The following PCDHA4 variants were observed in gnomAD, a reference collection of about 807,000 sequenced individuals.
PCDHA4 encodes protocadherin alpha 4.
PCDHA4 carries 49 observed loss-of-function variants against 61.4 expected under a neutral mutation model. The ratio of observed to expected loss-of-function variants is 0.80; its 90% CI spans 0.63 to 1.01. The LOEUF (loss-of-function observed/expected upper bound fraction) is 1.01, where lower values mean the gene tolerates loss of function less well. Ranked by LOEUF, PCDHA4 falls within the 50% of genes least tolerant of loss-of-function variation. PCDHA4 has a pLI of 0.00. For missense variants in PCDHA4, 1,254 were observed against 1,235.8 expected, an observed-to-expected ratio of 1.01 and a Z score of -0.22; for synonymous variants, 590 against 550.3, an observed-to-expected ratio of 1.07 and a Z score of -1.01.
At chr5:140,970,384 C>T (rs2096401322) in intron 1 of PCDHA4, among the ~76,000 whole-genome samples, 1 of 152,104 alleles carries the variant, frequency 6.6e-6, no homozygotes, top group Admixed American at 6.5e-5. Flanking sequence ...AAAAGGCTGG[C>T]TTGGAAAGTG....
chr5:141,004,880 G>A (rs940142127), intron 3 of PCDHA4, among the ~76,000 whole-genome samples: 2 of 152,172 alleles, frequency 1.3e-5, no homozygotes, highest in Admixed American at 6.5e-5. Context: ...TCCCTAAAGT[G>A]CTATTGTGTC....
chr5:140,993,562 C>G (rs1233872464), intron 3 of PCDHA4, among the ~76,000 whole-genome samples: 3 of 150,520 alleles, frequency 2.0e-5, no homozygotes, highest in Non-Finnish European at 4.4e-5. Flanking sequence ...TATATAGTAT[C>G]CTTTCTAGGG....
chr5:140,926,767 C>T (rs1323702990), intron 1 of PCDHA4: 8 of 1,358,906 alleles, frequency 5.9e-6, no homozygotes, highest in Admixed American at 3.2e-5. Context: ...AGTATCCAGC[C>T]CGCAGCAGTG....
At chr5:140,911,275 G>A (rs1048648150) in intron 1 of PCDHA4, among the ~76,000 whole-genome samples, 1 of 152,164 alleles carries the variant, frequency 6.6e-6, no homozygotes, top group Non-Finnish European at 1.5e-5. Context: ...AGTGTCCCCA[G>A]CTTCATCAGG....
rs781970996 is a variant in PCDHA4 at position 140,869,968 on chromosome 5, A to AT, written c.2385+60396_2385+60397insT. 5 of 1,613,220 alleles carry AT rather than the reference A, an allele frequency of 3.1e-6. No homozygotes were observed. The South Asian group carries it at 5.5e-5, about 18-fold the overall frequency. On this transcript the variant is annotated intron_variant, in intron 1 of 3. Coordinates refer to ENST00000530339, the MANE Select transcript of PCDHA4 (RefSeq NM_018907.4). ...CTTAATGTCAATTAAGCCCAATGGA[A>AT]GACACTTATTTACACTAGATCAAAA...
intron 1 of PCDHA4, chr5:140,821,859 C>A: frequency 6.2e-7 from 1 of 1,614,192 alleles, no homozygotes; most frequent in Non-Finnish European, 8.5e-7. Flanking sequence ...CAGGGAGCGG[C>A]CAGCTCCACT....
chr5:140,839,391 TG>T (rs1776205247), intron 1 of PCDHA4, among the ~76,000 whole-genome samples: 1 of 151,714 alleles, frequency 6.6e-6, no homozygotes, highest in African/African-American at 2.4e-5. Flanking sequence ...ATGATGATGA[TG>T]ATGATTATTA....
intron 3 of PCDHA4, among the ~76,000 whole-genome samples, chr5:140,995,404 A>G (rs941348184): frequency 1.3e-5 from 2 of 152,184 alleles, no homozygotes; most frequent in Admixed American, 6.5e-5. Flanking sequence ...ATGGCTCGAG[A>G]TTTCATCACA....
chr5:140,939,607 A>G (rs1396731179), intron 1 of PCDHA4, among the ~76,000 whole-genome samples: 2 of 152,244 alleles, frequency 1.3e-5, no homozygotes, highest in Non-Finnish European at 2.9e-5. Flanking sequence ...CAAAAACAGA[A>G]CAAGGAGACA....
At chr5:140,989,555 T>G (rs923190578) in intron 3 of PCDHA4, among the ~76,000 whole-genome samples, 1 of 152,204 alleles carries the variant, frequency 6.6e-6, no homozygotes, top group African/African-American at 2.4e-5. Flanking sequence ...CCTTTACGTT[T>G]TGTGGCTCCG....
intron 3 of PCDHA4, among the ~76,000 whole-genome samples, chr5:140,984,330 A>C (rs2097097334): frequency 6.6e-6 from 1 of 152,204 alleles, no homozygotes; most frequent in Admixed American, 6.5e-5. Context: ...CAAATGTGGA[A>C]TAGGAACCAT....
chr5:140,949,639 T>C (rs1563239072), intron 1 of PCDHA4, among the ~76,000 whole-genome samples: 1 of 152,036 alleles, frequency 6.6e-6, no homozygotes, highest in East Asian at 1.9e-4. Flanking sequence ...ATATTGCTTT[T>C]TGTTCATTTT....
chr5:140,996,237 G>T (rs1169717703), intron 3 of PCDHA4, among the ~76,000 whole-genome samples: 1 of 152,186 alleles, frequency 6.6e-6, no homozygotes, highest in Non-Finnish European at 1.5e-5. Context: ...GTTGCTCAAG[G>T]CTGAGAAGTG....
At position 140,906,503 on chromosome 5, in the gene PCDHA4, AAAG is replaced by A. The variant is rs537708204; in HGVS notation, c.2386-72442_2386-72440del. Among the ~76,000 whole-genome samples the A allele has an allele frequency of 2.0e-5, 3 of 152,376 alleles. No homozygotes were observed. The South Asian group carries it at 6.2e-4, about 32-fold the overall frequency. On this transcript the variant is annotated intron_variant, in intron 1 of 3. Transcript: ENST00000530339. The stretch of plus-strand genomic sequence containing the variant: ...ATAAATGCACAAACATGTTTTTAAC[AAAG>A]AAGGAGGAAATACTCACGACAATTA...
rs559957887 is a variant in PCDHA4 at position 140,808,728 on chromosome 5, G to A, written c.1541G>A (p.Ser514Asn). The change falls in exon 1 of 4, where the codon AGC (serine) becomes AAC (asparagine). Residue 514 changes from serine to asparagine, a missense_variant. Physicochemically the swap from Ser to Asn is conservative, Grantham distance 46. Transcript: ENST00000530339. ...LSSYVSVHAE[S>N]GKVYALQPLD... The stretch of plus-strand genomic sequence containing the variant: ...AGCTACGTTTCGGTGCATGCGGAGA[G>A]CGGCAAGGTGTACGCGCTGCAGCCG... The A allele has an allele frequency of 6.2e-7, 1 of 1,612,192 alleles. No individual in the cohort carries two copies. Among genetic ancestry groups the A allele is most frequent in the East Asian group, 2.2e-5 (1 of 44,860 alleles).
At chr5:140,996,503 G>A (rs1306027159) in intron 3 of PCDHA4, among the ~76,000 whole-genome samples, 1 of 152,120 alleles carries the variant, frequency 6.6e-6, no homozygotes, top group African/African-American at 2.4e-5. Context: ...TGGCTTCTTG[G>A]GGCCCAGCAT....
chr5:140,843,901 A>G lies in PCDHA4; in HGVS notation c.2385+34329A>G. 3 of 653,454 alleles carry G rather than the reference A, an allele frequency of 4.6e-6. 1 individual carries two copies. The highest frequency in any genetic ancestry group is 7.7e-6 in the Non-Finnish European group (3 of 388,320). 40.5% of individuals were successfully genotyped at this position (653,454 alleles called of 1,614,324 possible). A position where few individuals can be genotyped will look rare whatever the true frequency, so the allele number is the denominator to read the frequency against. On this transcript the variant is annotated intron_variant, in intron 1 of 3. Transcript: ENST00000530339. ...CATAATACAGTATTAATCATTCTCC[A>G]CAAGTTGGGTCTATCTTGAAACTCA...
intron 1 of PCDHA4, chr5:140,877,081 G>A: frequency 6.2e-7 from 1 of 1,613,120 alleles, no homozygotes; most frequent in Non-Finnish European, 8.5e-7. Flanking sequence ...CCAGGTGAGC[G>A]CGCGCGACGC....
rs146736705 is a variant in PCDHA4 at position 140,829,807 on chromosome 5, T to C, written c.2385+20235T>C. 3.4e-3 allele frequency: 5,423 copies of C among 1,613,834 alleles called. 11 individuals are homozygous for C. Among genetic ancestry groups the C allele is most frequent in the Middle Eastern group, 4.6e-3 (28 of 6,054 alleles). ...CGCTGCTGGCGCCTCGGGTGGGTGG[T>C]ACTGGTGGTGCAGTGAGCGAGCTGG... On this transcript the variant is annotated intron_variant, in intron 1 of 3. Transcript: ENST00000530339.
Sources: gnomAD v4.1 joint callset for allele counts (sites outside exome capture counted in the v4.1 genomes callset) on GRCh38, gnomAD v4.1.1 for gene constraint, MANE v1.5 for transcripts, NCBI Gene and HGNC (gene_info 2026-07-23, HGNC 2026-07-21) for gene names.